The following OR7G2 variants were observed in gnomAD, a reference collection of about 807,000 sequenced individuals.
OR7G2 encodes olfactory receptor family 7 subfamily G member 2.
For synonymous variants in OR7G2, 153 were observed against 152.2 expected (o/e 1.01, Z -0.04); for missense variants, 362 against 384.0 (o/e 0.94, Z 0.48).
intron 1 of OR7G2, 96 bp from the exon 2 acceptor site, chr19:9,103,355 T>A (rs1281172553): frequency 8.3e-7 from 1 of 1,202,210 alleles, no homozygotes; most frequent in Admixed American, 2.0e-5. Flanking sequence ...CTCCCCAGAC[T>A]TCTTGCTGAT....
intron 1 of OR7G2, among the ~76,000 whole-genome samples, chr19:9,103,938 T>G (rs1239033146): frequency 6.6e-6 from 1 of 150,740 alleles, no homozygotes; most frequent in Non-Finnish European, 1.5e-5. Context: ...GGTGTGATCT[T>G]AGCTCACTGC....
rs772409707 is a variant in OR7G2 at position 9,102,223 on chromosome 19, CAAAG to C, written c.*42_*45del. Reference sequence around the variant, plus strand: ...TCTCAGAGAAAAAAACAAAACAAAACAAAGAGTCAGGCATTCTAGCTCACCAGGA... The same window carrying C: ...TCTCAGAGAAAAAAACAAAACAAAACAGTCAGGCATTCTAGCTCACCAGGA... On this transcript the variant is annotated 3_prime_UTR_variant, in exon 2 of 2. Coordinates refer to ENST00000641081, the MANE Select transcript of OR7G2 (RefSeq NM_001005193.2). 30 of 1,513,416 alleles carry C rather than the reference CAAAG, an allele frequency of 2.0e-5. No homozygotes were observed. Among genetic ancestry groups the C allele is most frequent in the Non-Finnish European group, 2.7e-5 (30 of 1,124,754 alleles). The allele number at this position is 1,513,416 out of a possible 1,614,324, so 93.7% of individuals were successfully genotyped here.
At position 9,102,558 on chromosome 19, in the gene OR7G2, G is replaced by A; in HGVS notation, c.686C>T (p.Pro229Leu). 10 of 1,614,144 alleles carry A rather than the reference G, an allele frequency of 6.2e-6. No homozygotes were observed. The highest frequency in any genetic ancestry group is 8.5e-6 in the Non-Finnish European group (10 of 1,180,026). ...TQITSCVLRM[P>L]SASGKHKAVS... ...TGCTTTGTGCTTTCCACTTGCTGATGGCATTCTCAAAACACAGGAGGTGAT... is the reference window on the plus strand; with the variant it reads ...TGCTTTGTGCTTTCCACTTGCTGATAGCATTCTCAAAACACAGGAGGTGAT... The change falls in exon 2 of 2, where the codon CCA (proline) becomes CTA (leucine). Residue 229 changes from proline (P) to leucine (L), a missense_variant. Pro to Leu is a moderately conservative substitution (Grantham distance 98, BLOSUM62 -3). Transcript: ENST00000641081.
Position 9,101,226 on chromosome 19 carries a change from G to T in OR7G2, c.*1043C>A, listed in dbSNP as rs1014279173. Reference sequence around the variant, plus strand: ...GGAGAATCGCTTGAACCCAGAAGGCGGAGGTTGCAGTTAGCCGAGATTGCG... The same window carrying T: ...GGAGAATCGCTTGAACCCAGAAGGCTGAGGTTGCAGTTAGCCGAGATTGCG... On this transcript the variant is annotated 3_prime_UTR_variant, in exon 2 of 2. Coordinates refer to ENST00000641081, the MANE Select transcript of OR7G2 (RefSeq NM_001005193.2). 4 of 152,084 alleles carry T rather than the reference G, an allele frequency of 2.6e-5. No individual in the cohort carries two copies. The highest frequency in any genetic ancestry group is 5.9e-5 in the Non-Finnish European group (4 of 68,136). The allele number at this position is 152,084 out of a possible 1,614,324, so 9.4% of individuals were successfully genotyped here.
At chr19:9,104,855 C>T (rs1185505134) in intron 1 of OR7G2, among the ~76,000 whole-genome samples, 1 of 151,988 alleles carries the variant, frequency 6.6e-6, no homozygotes, top group East Asian at 1.9e-4. Flanking sequence ...TTTTTAAATT[C>T]TCTAGTGTGC....
chr19:9,102,294 C>T lies in OR7G2; in HGVS notation c.950G>A (p.Cys317Tyr). 1.2e-6 allele frequency: 2 copies of T among 1,606,704 alleles called. No homozygotes were observed. The highest frequency in any genetic ancestry group is 1.7e-6 in the Non-Finnish European group (2 of 1,176,626). Reference sequence around the variant, plus strand: ...TTACTCTAGAAACCTGAATCCAAAGCAAATGGCACACCACAGAAGAGAAGG... The same window carrying T: ...TTACTCTAGAAACCTGAATCCAAAGTAAATGGCACACCACAGAAGAGAAGG... ...RIPSLLWCAI[C>Y]FGFRFLE Residue 317 changes from cysteine (C) to tyrosine (Y), a missense_variant, in exon 2 of 2, where the codon TGC becomes TAC. Transcript: ENST00000641081.
At chr19:9,104,623 C>T (rs2050375784) in intron 1 of OR7G2, among the ~76,000 whole-genome samples, 1 of 151,768 alleles carries the variant, frequency 6.6e-6, no homozygotes, top group South Asian at 2.1e-4. Flanking sequence ...GTCAGGCAAT[C>T]GAGACCATCC....
At position 9,102,428 on chromosome 19, in the gene OR7G2, T is replaced by C. The variant is rs1399223810; in HGVS notation, c.816A>G (p.Ala272=). Residue 272 remains alanine (A), a synonymous_variant, in exon 2 of 2, where the codon GCA becomes GCG. Coordinates refer to ENST00000641081, the MANE Select transcript of OR7G2 (RefSeq NM_001005193.2). ...SVVTDSPRKT[A]VASVMYSVFP... ...ACACAGAATACATCACTGAAGCCAC[T>C]GCAGTCTTCCTAGGTGAGTCAGTAA... 3 of 1,613,998 alleles carry C rather than the reference T, an allele frequency of 1.9e-6. No homozygotes were observed. Among genetic ancestry groups the C allele is most frequent in the Admixed American group, 1.7e-5 (1 of 60,008 alleles).
chr19:9,104,627 A>ACCAT (rs2050375806), intron 1 of OR7G2, among the ~76,000 whole-genome samples: 1 of 151,960 alleles, frequency 6.6e-6, no homozygotes, highest in Admixed American at 6.6e-5. Context: ...GGCAATCGAG[A>ACCAT]CCATCCTGGC....
chr19:9,101,421 C>T lies in OR7G2; in HGVS notation c.*848G>A, dbSNP rs1218611360. ...TGAGACTAATCCATTAAAAAAAAAT[C>T]ACTTAGCCAGGAGCGGTGGCTCACG... On this transcript the variant is annotated 3_prime_UTR_variant, in exon 2 of 2. Transcript: ENST00000641081. 6.6e-6 allele frequency: 1 copy of T among 152,126 alleles called. No individual in the cohort carries two copies. Among genetic ancestry groups the T allele is most frequent in the Non-Finnish European group, 1.5e-5 (1 of 68,032 alleles). 9.4% of individuals were successfully genotyped at this position (152,126 alleles called of 1,614,324 possible).
Position 9,103,166 on chromosome 19 carries a change from G to A in OR7G2, c.78C>T (p.Val26=), listed in dbSNP as rs749114546. The A allele has an allele frequency of 3.1e-6, 5 of 1,614,182 alleles. No individual in the cohort carries two copies. In the Admixed American group the frequency reaches 8.3e-5, roughly 27 times the overall value. Residue 26 remains valine (V), a synonymous_variant, in exon 2 of 2, where the codon GTC becomes GTT. Coordinates refer to ENST00000641081, the MANE Select transcript of OR7G2 (RefSeq NM_001005193.2). Reference sequence around the variant, plus strand: ...ACATGGACAGGAACAGGCTGAAAAGGACGGGCTGCAGTTCCGGATCCTCTA... The same window carrying A: ...ACATGGACAGGAACAGGCTGAAAAGAACGGGCTGCAGTTCCGGATCCTCTA... The part of the protein sequence containing the change: ...GLIEDPELQP[V]LFSLFLSMYL...
At chr19:9,105,665 G>A (rs979558860) in intron 1 of OR7G2, among the ~76,000 whole-genome samples, 11 of 151,996 alleles carry the variant, frequency 7.2e-5, no homozygotes, top group Admixed American at 5.3e-4. Flanking sequence ...TAGCCAACAT[G>A]GTGAAACCCC....
rs1197519470 is a variant in OR7G2, at chr19:9,101,974, G to A, written c.*295C>T. 1.2e-5 allele frequency: 3 copies of A among 257,814 alleles called. No homozygotes were observed. Among genetic ancestry groups the A allele is most frequent in the Non-Finnish European group, 2.2e-5 (3 of 136,020 alleles). 16.0% of individuals were successfully genotyped at this position (257,814 alleles called of 1,614,324 possible). ...TCCCAGCACTTTGGGAGGCCGAGGC[G>A]GGTGGATCACCTGACGTCAGGAGTT... On this transcript the variant is annotated 3_prime_UTR_variant, in exon 2 of 2. Transcript: ENST00000641081.
Position 9,102,088 on chromosome 19 carries a change from C to G in OR7G2, c.*181G>C, listed in dbSNP as rs2050356842. The G allele has an allele frequency of 3.6e-6, 2 of 554,466 alleles. No individual in the cohort carries two copies. Among genetic ancestry groups the G allele is most frequent in the South Asian group, 5.6e-5 (2 of 35,444 alleles). The allele number at this position is 554,466 out of a possible 1,614,324, so 34.3% of individuals were successfully genotyped here. A position where few individuals can be genotyped will look rare whatever the true frequency, so the allele number is the denominator to read the frequency against. On this transcript the variant is annotated 3_prime_UTR_variant, in exon 2 of 2. Transcript: ENST00000641081. The stretch of plus-strand genomic sequence containing the variant: ...CATGGTGGCAGGCGCCTGTAATCCC[C>G]ACTACTCAGGAGGCTGAGGCAGGAG...
rs1342504544 is a variant in OR7G2, at chr19:9,102,307, A to C, written c.937T>G (p.Trp313Gly). 1.9e-6 allele frequency: 3 copies of C among 1,613,028 alleles called. No individual in the cohort carries two copies. The African/African-American group carries it at 4.0e-5, about 22-fold the overall frequency. Residue 313 changes from tryptophan to glycine, a missense_variant, in exon 2 of 2, where the codon TGG becomes GGG. Physicochemically the swap from Trp to Gly is radical, Grantham distance 184. Transcript: ENST00000641081. ...CTGAATCCAAAGCAAATGGCACACC[A>C]CAGAAGAGAAGGTATCCTCCCTATG... Reference protein sequence around the residue: ...KFIGRIPSLLWCAICFGFRFL... With the variant: ...KFIGRIPSLLGCAICFGFRFL...
At position 9,102,746 on chromosome 19, in the gene OR7G2, C is replaced by T. The variant is rs1393733475; in HGVS notation, c.498G>A (p.Leu166=). ...GGATTTCCAGGTCTGTGCAGAAGGA[C>T]AGCCTCAACACCATCAGGCTGAGAA... The part of the protein sequence containing the change: ...ALLLSLMVLR[L]SFCTDLEIPL... Residue 166 remains leucine, a synonymous_variant, in exon 2 of 2, where the codon CTG becomes CTA. Transcript: ENST00000641081. 1.2e-6 allele frequency: 2 copies of T among 1,614,002 alleles called. No individual in the cohort carries two copies. Among genetic ancestry groups the T allele is most frequent in the Admixed American group, 3.3e-5 (2 of 59,986 alleles).
intron 1 of OR7G2, among the ~76,000 whole-genome samples, chr19:9,106,954 G>A (rs539391695): frequency 1.1e-4 from 16 of 151,422 alleles, no homozygotes; most frequent in African/African-American, 3.4e-4. Context: ...TCTATAATCC[G>A]GGTCCTTTGG....
At chr19:9,106,044 A>G (rs2050383928) in intron 1 of OR7G2, among the ~76,000 whole-genome samples, 1 of 152,112 alleles carries the variant, frequency 6.6e-6, no homozygotes, top group South Asian at 2.1e-4. Context: ...ATTCATTTTT[A>G]TTATAGATTA....
At position 9,107,378 on chromosome 19, in the gene OR7G2, TATC is replaced by T. The variant is rs1443153489; in HGVS notation, c.-84_-82del. 1.3e-5 allele frequency: 2 copies of T among 151,850 alleles called. No homozygotes were observed. Among genetic ancestry groups the T allele is most frequent in the Non-Finnish European group, 2.9e-5 (2 of 67,994 alleles). 9.4% of individuals were successfully genotyped at this position (151,850 alleles called of 1,614,324 possible). A position where few individuals can be genotyped will look rare whatever the true frequency, so the allele number is the denominator to read the frequency against. ...GACAGACTCGAGTCCTGGTCAAAAATATCATGTCTGGAAGGAGGTTCTGATGCA... is the reference window on the plus strand; with the variant it reads ...GACAGACTCGAGTCCTGGTCAAAAATATGTCTGGAAGGAGGTTCTGATGCA... On this transcript the variant is annotated 5_prime_UTR_variant, in exon 1 of 2. An upstream start codon of the reference 5' UTR is lost. Transcript: ENST00000641081.
Sources: allele counts gnomAD v4.1 joint callset (sites outside exome capture counted in the v4.1 genomes callset), GRCh38; gene constraint gnomAD v4.1.1; transcripts MANE v1.5; gene names NCBI Gene and HGNC (gene_info 2026-07-23, HGNC 2026-07-21).